GRN: variants seen among roughly 807,000 people sequenced by gnomAD.
The protein encoded by GRN is progranulin.
GRN carries 30 observed loss-of-function variants against 66.7 expected under a neutral mutation model. The ratio of observed to expected loss-of-function variants is 0.45; its 90% confidence interval spans 0.34 to 0.61. The LOEUF (loss-of-function observed/expected upper bound fraction) is 0.61, where lower values mean the gene tolerates loss of function less well. Among genes scored for constraint, GRN ranks in the 20% least tolerant of loss-of-function variants. The pLI is 0.01. For missense variants in GRN, 731 were observed against 803.5 expected, an observed-to-expected ratio of 0.91 and a Z score of 1.09; for synonymous variants, 327 against 311.1, an observed-to-expected ratio of 1.05 and a Z score of -0.54.
Position 44,350,229 on chromosome 17 carries a change from TAAC to T in GRN, c.355_357del (p.Asn119del), listed in dbSNP as rs758168578. The T allele has an allele frequency of 1.7e-4, 280 of 1,606,946 alleles. 2 individuals are homozygous for T. In the East Asian group the frequency reaches 6.0e-3, roughly 34 times the overall value. Reference sequence around the variant, plus strand: ...TATCCTGGGTCATCTTGTCCACAGGTAACAACTCCGTGGGTGCCATCCAGTGCC... The same window carrying T: ...TATCCTGGGTCATCTTGTCCACAGGTAACTCCGTGGGTGCCATCCAGTGCC... On this transcript the variant is annotated inframe_deletion and splice_region_variant, in exon 5 of 13. Coordinates refer to ENST00000053867, the MANE Select transcript of GRN (RefSeq NM_002087.4).
Position 44,350,699 on chromosome 17 carries a change from T to C in GRN, c.607T>C (p.Ser203Pro). The C allele has an allele frequency of 6.2e-7, 1 of 1,613,956 alleles. No individual in the cohort carries two copies. The highest frequency in any genetic ancestry group is 8.5e-7 in the Non-Finnish European group (1 of 1,179,850). ...GTTTGCTCCTCTTCCAGTGGCCTTGTCCAGCTCGGTCATGTGTCCGGACGC... is the reference window on the plus strand; with the variant it reads ...GTTTGCTCCTCTTCCAGTGGCCTTGCCCAGCTCGGTCATGTGTCCGGACGC... ...AQRTNRAVAL[S>P]SSVMCPDARS... Residue 203 changes from serine to proline, a missense_variant, in exon 7 of 13, where the codon TCC becomes CCC. Transcript: ENST00000053867.
In GRN at chr17:44,349,316, A is replaced by T; in HGVS notation, c.138+14A>T. On this transcript the variant is annotated intron_variant, in intron 2 of 12. Transcript: ENST00000053867. ...CGTCCCCTTCTGGTGAGTGCCCCTC[A>T]GCCTAGGCAAGAGCTGGCAGCCTGG... 6.2e-7 allele frequency: 1 copy of T among 1,613,978 alleles called. No homozygotes were observed. Among genetic ancestry groups the T allele is most frequent in the Non-Finnish European group, 8.5e-7 (1 of 1,180,006 alleles).
chr17:44,349,646 A>G, intron 3 of GRN, 21 bp from the exon 4 acceptor site: 4 of 1,612,322 alleles, frequency 2.5e-6, no homozygotes, highest in Non-Finnish European at 3.4e-6. Context: ...CTGCCAATGC[A>G]GGTTTCTCTG....
chr17:44,348,229 C>T (rs1247883848), intron 1 of GRN, among the ~76,000 whole-genome samples: 4 of 152,180 alleles, frequency 2.6e-5, no homozygotes, highest in Admixed American at 6.5e-5. Flanking sequence ...CTGGCCACCC[C>T]ACTGAACTAG....
chr17:44,349,369 GC>G (rs1246372963), intron 2 of GRN, 56 bp from the exon 3 acceptor site: 2 of 1,614,006 alleles, frequency 1.2e-6, no homozygotes, highest in African/African-American at 2.7e-5. Flanking sequence ...TCTTGGATTG[GC>G]CAGAGGAGGA....
intron 1 of GRN, among the ~76,000 whole-genome samples, chr17:44,347,989 TTAG>T (rs2048338251): frequency 6.6e-6 from 1 of 151,020 alleles, no homozygotes; most frequent in Admixed American, 6.6e-5. Flanking sequence ...TCCCAGCTAC[TTAG>T]TAGGAGGCCA....
At chr17:44,350,173 G>GA (rs1176802018) in intron 4 of GRN, 55 bp from the exon 5 acceptor site, 2 of 1,110,228 alleles carry the variant, frequency 1.8e-6, no homozygotes, top group African/African-American at 3.8e-5. Flanking sequence ...TTGTGTGATG[G>GA]GGGAGTCACC....
intron 4 of GRN, 120 bp from the exon 5 acceptor site, chr17:44,350,108 G>A (rs1421554870): frequency 1.8e-5 from 14 of 790,424 alleles, no homozygotes; most frequent in African/African-American, 1.2e-4. Context: ...CTGAGCCTTA[G>A]TGTCACCCTC....
At chr17:44,349,040 A>G in intron 1 of GRN, 118 bp from the exon 2 acceptor site, 1 of 1,107,580 alleles carries the variant, frequency 9.0e-7, no homozygotes, top group Non-Finnish European at 1.4e-6. Context: ...GGAGGTGTTG[A>G]GAAGGCTCAG....
chr17:44,350,849 G>A lies in GRN; in HGVS notation c.708+49G>A, dbSNP rs745371277. ...TTGGCTGTGTGCCCCCAGCCACCTG[G>A]CCCTGACACGCACCTTACAGGGGCT... On this transcript the variant is annotated intron_variant, in intron 7 of 12. Coordinates refer to ENST00000053867, the MANE Select transcript of GRN (RefSeq NM_002087.4). The A allele has an allele frequency of 4.1e-6, 6 of 1,472,750 alleles. No individual in the cohort carries two copies. In the African/African-American group the frequency reaches 8.3e-5, roughly 20 times the overall value. The allele number at this position is 1,472,750 out of a possible 1,614,324, so 91.2% of individuals were successfully genotyped here.
At chr17:44,350,854 GAC>G (rs2048366546) in intron 7 of GRN, 54 bp downstream of exon 7, 1 of 1,465,706 alleles carries the variant, frequency 6.8e-7, no homozygotes, top group Non-Finnish European at 9.6e-7. Context: ...ACCTGGCCCT[GAC>G]ACGCACCTTA....
rs747897803 is a variant in GRN, at chr17:44,352,850, C to G, written c.*52C>G. The G allele has an allele frequency of 1.0e-5, 16 of 1,575,856 alleles. No individual in the cohort carries two copies. Among genetic ancestry groups the G allele is most frequent in the African/African-American group, 1.3e-5 (1 of 74,332 alleles). ...CTCGGGACCCCACTCGGAGGGTGCC[C>G]TCTGCTCAGGCCTCCCTAGCACCTC... On this transcript the variant is annotated 3_prime_UTR_variant, in exon 13 of 13. Coordinates refer to ENST00000053867, the MANE Select transcript of GRN (RefSeq NM_002087.4).
chr17:44,351,538 C>T lies in GRN; in HGVS notation c.934-12C>T. ...GCCCCAGTGCCCACCTGCCCTTCTTCATCTGCCCTAGGCTGTGTGCTGTGA... is the reference window on the plus strand; with the variant it reads ...GCCCCAGTGCCCACCTGCCCTTCTTTATCTGCCCTAGGCTGTGTGCTGTGA... On this transcript the variant is annotated splice_polypyrimidine_tract_variant and intron_variant, in intron 9 of 12. Coordinates refer to ENST00000053867, the MANE Select transcript of GRN (RefSeq NM_002087.4). 1.2e-6 allele frequency: 2 copies of T among 1,614,038 alleles called. No individual in the cohort carries two copies. Among genetic ancestry groups the T allele is most frequent in the Non-Finnish European group, 1.7e-6 (2 of 1,179,998 alleles).
Position 44,351,405 on chromosome 17 carries a change from G to C in GRN, c.878G>C (p.Gly293Ala). ...KCDMEVSCPDGYTCCRLQSGA... is the reference protein window; with the variant it reads ...KCDMEVSCPDAYTCCRLQSGA... ...GACATGGAGGTGAGCTGCCCAGATG[G>C]CTATACCTGCTGCCGTCTACAGTCG... is the stretch of plus-strand genomic sequence containing the variant. The change falls in exon 9 of 13, where the codon GGC (glycine) becomes GCC (alanine). Residue 293 changes from glycine (G) to alanine (A), a missense_variant. Physicochemically the swap from Gly to Ala is moderately conservative, Grantham distance 60. Around this residue, in one of 3 missense-constraint regions of GRN, gnomAD observed 42 missense variants for 76.6 expected, o/e 0.55. Coordinates refer to ENST00000053867, the MANE Select transcript of GRN (RefSeq NM_002087.4). The C allele has an allele frequency of 1.2e-6, 2 of 1,613,932 alleles. No homozygotes were observed. Among genetic ancestry groups the C allele is most frequent in the Non-Finnish European group, 1.7e-6 (2 of 1,179,910 alleles).
In GRN at chr17:44,349,872, C is replaced by T; in HGVS notation, c.349+121C>T. On this transcript the variant is annotated intron_variant, in intron 4 of 12. Transcript: ENST00000053867. ...CCTTGTGCCCTCATTCATGTGGCAT[C>T]TGTACTAAGCAACAGCCCTGCTGTG... 4 of 722,142 alleles carry T rather than the reference C, an allele frequency of 5.5e-6. No individual in the cohort carries two copies. In the South Asian group the frequency reaches 6.4e-5, roughly 11 times the overall value. 44.7% of individuals were successfully genotyped at this position (722,142 alleles called of 1,614,324 possible).
Position 44,352,898 on chromosome 17 carries a change from AC to A in GRN, c.*104del. 1 of 1,169,086 alleles carries A rather than the reference AC, an allele frequency of 8.6e-7. No individual in the cohort carries two copies. Among genetic ancestry groups the A allele is most frequent in the Non-Finnish European group, 1.2e-6 (1 of 806,196 alleles). 72.4% of individuals were successfully genotyped at this position (1,169,086 alleles called of 1,614,324 possible). On this transcript the variant is annotated 3_prime_UTR_variant, in exon 13 of 13. Transcript: ENST00000053867. ...CTCCCCCTAACCAAATTCTCCCTGG[AC>A]CCCATTCTGAGCTCCCCATCACCAT...
chr17:44,348,081 TAAAAG>T (rs1304711539), intron 1 of GRN, among the ~76,000 whole-genome samples: 1 of 152,182 alleles, frequency 6.6e-6, no homozygotes, highest in East Asian at 1.9e-4. Flanking sequence ...AAAAATAAAA[TAAAAG>T]TAAAGGTATT....
At chr17:44,348,366 C>T (rs1242894696) in intron 1 of GRN, among the ~76,000 whole-genome samples, 1 of 152,180 alleles carries the variant, frequency 6.6e-6, no homozygotes, top group Admixed American at 6.5e-5. Flanking sequence ...GGTCTCTCTC[C>T]ACATGTGGCT....
rs1168119196 is a variant in GRN, at chr17:44,352,472, T to C, written c.1545T>C (p.Gly515=). Reference sequence around the variant, plus strand: ...TCCTGGCCCGTAGCCCTCACGTGGGTGTGAAGGACGTGGAGTGTGGGGAAG... The same window carrying C: ...TCCTGGCCCGTAGCCCTCACGTGGGCGTGAAGGACGTGGAGTGTGGGGAAG... ...ATFLARSPHV[G]VKDVECGEGH... The change falls in exon 12 of 13, where the codon GGT becomes GGC. Residue 515 remains glycine, a synonymous_variant. Transcript: ENST00000053867. The C allele has an allele frequency of 6.2e-7, 1 of 1,613,852 alleles. No individual in the cohort carries two copies. Among genetic ancestry groups the C allele is most frequent in the Non-Finnish European group, 8.5e-7 (1 of 1,179,890 alleles).
Sources: gnomAD v4.1 joint callset for allele counts (sites outside exome capture counted in the v4.1 genomes callset) on GRCh38, gnomAD v4.1.1 for gene constraint, gnomAD v4.1.1 regional missense constraint, MANE v1.5 for transcripts, NCBI Gene and HGNC (gene_info 2026-07-23, HGNC 2026-07-21) for gene names.